LRBA: variants seen among roughly 807,000 people sequenced by gnomAD.
LRBA encodes LPS responsive beige-like anchor protein.
Under a neutral mutation model 330.0 loss-of-function variants are expected in LRBA, and 176 were observed. The ratio of observed to expected loss-of-function variants is 0.53; its 90% CI spans 0.47 to 0.60. The LOEUF (loss-of-function observed/expected upper bound fraction) is 0.60, where lower values mean the gene tolerates loss of function less well. Among genes scored for constraint, LRBA ranks in the 20% least tolerant of loss-of-function variants. The pLI is 0.00. For synonymous variants in LRBA, 1,230 were observed against 1,193.0 expected (o/e 1.03, Z -0.64); for missense variants, 3,259 against 3,444.8 (o/e 0.95, Z 1.35).
chr4:150,386,663 A>C (rs1274908343), intron 47 of LRBA, among the ~76,000 whole-genome samples: 1 of 152,024 alleles, frequency 6.6e-6, no homozygotes, highest in Non-Finnish European at 1.5e-5. Context: ...TATCCAGTCT[A>C]TCAGTGATGG....
chr4:150,704,129 A>G (rs1008628669), intron 36 of LRBA, among the ~76,000 whole-genome samples: 1 of 152,152 alleles, frequency 6.6e-6, no homozygotes, highest in African/African-American at 2.4e-5. Context: ...TGAGAGGGTC[A>G]CTTGGGCCCA....
At chr4:150,326,727 C>A (rs1213484556) in intron 48 of LRBA, among the ~76,000 whole-genome samples, 1 of 152,172 alleles carries the variant, frequency 6.6e-6, no homozygotes, top group Non-Finnish European at 1.5e-5. Context: ...TATGTATCTT[C>A]TTCACTGTTA....
intron 47 of LRBA, among the ~76,000 whole-genome samples, chr4:150,363,513 C>CT (rs1322166815): frequency 1.1e-3 from 168 of 152,218 alleles, no homozygotes; most frequent in Non-Finnish European, 1.2e-3. Context: ...TATTTGTTTA[C>CT]TTTTTTATTT....
intron 48 of LRBA, among the ~76,000 whole-genome samples, chr4:150,330,277 T>G (rs2126963998): frequency 6.6e-6 from 1 of 152,304 alleles, no homozygotes. Context: ...TTCAGTTTTC[T>G]AAGTTCTACT....
At chr4:150,276,194 A>G in intron 56 of LRBA, among the ~76,000 whole-genome samples, 1 of 152,242 alleles carries the variant, frequency 6.6e-6, no homozygotes, top group Non-Finnish European at 1.5e-5. Flanking sequence ...AGGATTCCCT[A>G]ATTAGTAAAT....
At chr4:150,418,012 GTTTT>G (rs1182707245) in intron 46 of LRBA, among the ~76,000 whole-genome samples, 2 of 146,768 alleles carry the variant, frequency 1.4e-5, no homozygotes, top group Non-Finnish European at 3.0e-5. Flanking sequence ...AGTTTTTTTG[GTTTT>G]TTGTTTTTTT....
At chr4:150,945,949 G>A (rs1465855262) in intron 2 of LRBA, among the ~76,000 whole-genome samples, 17 of 151,942 alleles carry the variant, frequency 1.1e-4, no homozygotes, top group Admixed American at 1.1e-3. Flanking sequence ...ACAGGTGTAC[G>A]CCACCAAGCA....
At chr4:150,971,963 C>A in intron 2 of LRBA, among the ~76,000 whole-genome samples, 1 of 151,862 alleles carries the variant, frequency 6.6e-6, no homozygotes. Flanking sequence ...AAATGTATGC[C>A]AGTATAATGT....
chr4:150,714,428 T>C lies in LRBA; in HGVS notation c.5754+20830A>G, dbSNP rs930987301. ...AGCAAAACAAACTTCACTAGACTTATTTGACAAAAAAGACATGCCTTTTCA... is the reference window on the plus strand; with the variant it reads ...AGCAAAACAAACTTCACTAGACTTACTTGACAAAAAAGACATGCCTTTTCA... On this transcript the variant is annotated intron_variant, in intron 36 of 56. Transcript: ENST00000651943. Among the ~76,000 whole-genome samples, 207 of 152,280 alleles carry C rather than the reference T, an allele frequency of 1.4e-3. 5 individuals are homozygous for C. The highest frequency in any genetic ancestry group is 1.3e-3 in the Non-Finnish European group (86 of 67,992).
At position 150,850,855 on chromosome 4, in the gene LRBA, T is replaced by C; in HGVS notation, c.3873A>G (p.Ala1291=). 1 of 1,613,924 alleles carries C rather than the reference T, an allele frequency of 6.2e-7. No homozygotes were observed. The highest frequency in any genetic ancestry group is 8.5e-7 in the Non-Finnish European group (1 of 1,179,898). ...TGGAATCCCTCCTTTGTCCATTAAC[T>C]GCATCTGGTGCTATTCCTTGCCCTG... ...EQPGQGIAPD[A]VNGQRRDSRS... Residue 1291 remains alanine, a synonymous_variant, in exon 24 of 57, where the codon GCA becomes GCG. Coordinates refer to ENST00000651943, the MANE Select transcript of LRBA (RefSeq NM_001364905.1).
chr4:150,951,233 C>T (rs1243288930), intron 2 of LRBA, among the ~76,000 whole-genome samples: 1 of 151,990 alleles, frequency 6.6e-6, no homozygotes, highest in African/African-American at 2.4e-5. Flanking sequence ...TGAGAAAATC[C>T]CGGATTAATT....
In LRBA at chr4:150,983,669, G is replaced by A. The variant is rs191269911; in HGVS notation, c.216+30758C>T. Among the ~76,000 whole-genome samples, 852 of 151,696 alleles carry A rather than the reference G, an allele frequency of 5.6e-3. 4 individuals are homozygous for A. The highest frequency in any genetic ancestry group is 0.019 in the African/African-American group (798 of 41,374). On this transcript the variant is annotated intron_variant, in intron 2 of 56. Transcript: ENST00000651943. ...AGGGTTTCACCATGTTGGCCAGGCT[G>A]GTCTCGAACTCCTGTCCTCAGGTGA...
intron 17 of LRBA, among the ~76,000 whole-genome samples, chr4:150,886,507 G>A (rs1026835895): frequency 9.9e-5 from 15 of 152,118 alleles, no homozygotes; most frequent in Non-Finnish European, 5.9e-5. Flanking sequence ...CCAATTCTCA[G>A]CCTAATTCCT....
At chr4:150,867,409 T>G (rs1752860013) in intron 22 of LRBA, among the ~76,000 whole-genome samples, 1 of 152,154 alleles carries the variant, frequency 6.6e-6, no homozygotes, top group African/African-American at 2.4e-5. Context: ...TAGTATAAAT[T>G]CCTTTATGCT....
intron 47 of LRBA, among the ~76,000 whole-genome samples, chr4:150,360,786 C>T (rs1738579169): frequency 6.6e-6 from 1 of 152,206 alleles, no homozygotes; most frequent in Admixed American, 6.5e-5. Context: ...AGAAATGTAA[C>T]ATCTTCAAGT....
At chr4:150,906,487 T>C in intron 11 of LRBA, 82 bp from the exon 12 acceptor site, 1 of 702,706 alleles carries the variant, frequency 1.4e-6, no homozygotes, top group Non-Finnish European at 2.4e-6. Flanking sequence ...AACCCTTCCA[T>C]TCACCTTAAT....
rs374170828 is a variant in LRBA, at chr4:150,492,460, T to C, written c.6331-1425A>G. Among the ~76,000 whole-genome samples the C allele has an allele frequency of 4.5e-4, 69 of 152,232 alleles. No individual in the cohort carries two copies. The South Asian group carries it at 0.013, about 29-fold the overall frequency. ...AACAGGAAACGAGAGGACAAAAATA[T>C]GAACATTACTCTCAGAGATTGCATG... is the stretch of plus-strand genomic sequence containing the variant. On this transcript the variant is annotated intron_variant, in intron 40 of 56. Coordinates refer to ENST00000651943, the MANE Select transcript of LRBA (RefSeq NM_001364905.1).
intron 13 of LRBA, among the ~76,000 whole-genome samples, chr4:150,902,788 C>A (rs1161806643): frequency 1.3e-5 from 2 of 152,138 alleles, no homozygotes; most frequent in African/African-American, 2.4e-5. Context: ...ACACTCTCCA[C>A]GGATAACACC....
At chr4:150,803,022 CAAAAAAAAA>C (rs746026878) in intron 33 of LRBA, among the ~76,000 whole-genome samples, 2 of 34,796 alleles carry the variant, frequency 5.7e-5, no homozygotes, top group African/African-American at 1.1e-4. Flanking sequence ...ACTCTGTCTC[CAAAAAAAAA>C]AAAAAAAAAA....
Sources: gnomAD v4.1 joint callset for allele counts (sites outside exome capture counted in the v4.1 genomes callset) on GRCh38, gnomAD v4.1.1 for gene constraint, MANE v1.5 for transcripts, NCBI Gene and HGNC (gene_info 2026-07-23, HGNC 2026-07-21) for gene names.